The following DNAAF5 variants were observed in gnomAD, a reference collection of about 807,000 sequenced individuals.
DNAAF5 encodes HEAT repeat containing 2.
Under a neutral mutation model 75.8 loss-of-function variants are expected in DNAAF5, and 64 were observed. The observed-to-expected ratio is 0.84, with a 90% CI of 0.69 to 1.04. The LOEUF (loss-of-function observed/expected upper bound fraction) is 1.04. Among genes scored for constraint, DNAAF5 ranks in the 50% least tolerant of loss-of-function variants. The probability of loss-of-function intolerance (pLI) is 0.00; values close to 1 mark genes in which losing one functional copy is unlikely to be tolerated. For synonymous variants in DNAAF5, 657 were observed against 557.2 expected, an observed-to-expected ratio of 1.18 and a Z score of -2.52; for missense variants, 1,269 against 1,178.5, an observed-to-expected ratio of 1.08 and a Z score of -1.12.
intron 11 of DNAAF5, among the ~76,000 whole-genome samples, chr7:777,156 A>G (rs1778789050): frequency 6.6e-6 from 1 of 152,186 alleles, no homozygotes; most frequent in Non-Finnish European, 1.5e-5. Flanking sequence ...GTTACAATGT[A>G]GTCATAGAAA....
chr7:767,896 C>T (rs561822338), intron 8 of DNAAF5, among the ~76,000 whole-genome samples: 1 of 142,870 alleles, frequency 7.0e-6, no homozygotes, highest in African/African-American at 2.6e-5. Flanking sequence ...GTGGAAGTGT[C>T]CCTGCTGCAA....
At chr7:783,316 G>A (rs1327757430) in intron 12 of DNAAF5, among the ~76,000 whole-genome samples, 1 of 152,158 alleles carries the variant, frequency 6.6e-6, no homozygotes, top group Non-Finnish European at 1.5e-5. Context: ...GAGGGTGAGT[G>A]TGGCAGGTGA....
chr7:756,622 C>G lies in DNAAF5; in HGVS notation c.1258-160C>G, dbSNP rs73032450. 2.0e-5 allele frequency among the ~76,000 whole-genome samples: 3 copies of G among 152,212 alleles called. No homozygotes were observed. The South Asian group carries it at 6.2e-4, about 32-fold the overall frequency. On this transcript the variant is annotated intron_variant, in intron 5 of 12. Transcript: ENST00000297440. ...TGAGACCACACCCGGACCCTTGTAC[C>G]TTTCCTGAGGGCTCTGAGCATGTGC...
At chr7:727,940 C>T (rs1453608698) in intron 1 of DNAAF5, among the ~76,000 whole-genome samples, 1 of 151,754 alleles carries the variant, frequency 6.6e-6, no homozygotes, top group Non-Finnish European at 1.5e-5. Context: ...GCCCCCTTTC[C>T]TTCCCTCGGG....
At chr7:764,824 A>C (rs1782771415) in intron 8 of DNAAF5, among the ~76,000 whole-genome samples, 1 of 152,188 alleles carries the variant, frequency 6.6e-6, no homozygotes, top group Non-Finnish European at 1.5e-5. Context: ...TAATCCCAGC[A>C]CTTTGGGAGG....
Position 767,107 on chromosome 7 carries a change from C to T in DNAAF5, c.1783+3133C>T, listed in dbSNP as rs568254739. On this transcript the variant is annotated intron_variant, in intron 8 of 12. Transcript: ENST00000297440. ...ACAAAAAATTAGCTGGGTGCGGTGG[C>T]GGGCGCTTGTGGTCCCAGCTACTCG... Among the ~76,000 whole-genome samples the T allele has an allele frequency of 3.6e-4, 54 of 152,032 alleles. 1 individual carries two copies. In the South Asian group the frequency reaches 0.01, roughly 29 times the overall value.
At chr7:732,323 G>C (rs530510626) in intron 2 of DNAAF5, among the ~76,000 whole-genome samples, 7 of 152,264 alleles carry the variant, frequency 4.6e-5, no homozygotes. Flanking sequence ...CAGGCAGGAC[G>C]GACGTATGGC....
rs6945893 is a variant in DNAAF5, at chr7:773,538, C to T, written c.1932-510C>T. Among the ~76,000 whole-genome samples, 765 of 148,280 alleles carry T rather than the reference C, an allele frequency of 5.2e-3. 5 individuals are homozygous for T. Among genetic ancestry groups the T allele is most frequent in the African/African-American group, 0.019 (711 of 37,856 alleles). On this transcript the variant is annotated intron_variant, in intron 9 of 12. Coordinates refer to ENST00000297440, the MANE Select transcript of DNAAF5 (RefSeq NM_017802.4). Reference sequence around the variant, plus strand: ...CTCTGAGCTGTGGCCCTTGGGTCCCCGGACCGCGCCTGTGGCCCTCCCATC... The same window carrying T: ...CTCTGAGCTGTGGCCCTTGGGTCCCTGGACCGCGCCTGTGGCCCTCCCATC...
In DNAAF5 at chr7:754,817, A is replaced by T. The variant is rs753199603; in HGVS notation, c.1253A>T (p.Gln418Leu). 98 of 1,602,104 alleles carry T rather than the reference A, an allele frequency of 6.1e-5. No homozygotes were observed. Among genetic ancestry groups the T allele is most frequent in the Non-Finnish European group, 8.3e-5 (97 of 1,172,028 alleles). The change falls in exon 5 of 13, where the codon CAA (glutamine) becomes CTA (leucine). Residue 418 changes from glutamine (Q) to leucine (L), a missense_variant. Coordinates refer to ENST00000297440, the MANE Select transcript of DNAAF5 (RefSeq NM_017802.4). This position sits in a 1 kb window ranked among gnomAD's most constrained non-coding sequence, Gnocchi z 4.8. ...ACCGACGAGGAGGCAGCCGTGGTCC[A>T]AAGTGTAAGTGGCCGTATTCCAGTC... ...ACTDEEAAVVQSCTRSAELVG... is the reference protein window; with the variant it reads ...ACTDEEAAVVLSCTRSAELVG...
intron 6 of DNAAF5, among the ~76,000 whole-genome samples, chr7:759,023 G>C (rs754126757): frequency 6.6e-6 from 1 of 152,078 alleles, no homozygotes; most frequent in Non-Finnish European, 1.5e-5. Flanking sequence ...TGGCAAGAAA[G>C]GGTGAAGGTA....
At chr7:756,419 G>T (rs993611134) in intron 5 of DNAAF5, among the ~76,000 whole-genome samples, 2 of 152,102 alleles carry the variant, frequency 1.3e-5, no homozygotes, top group Non-Finnish European at 2.9e-5. Flanking sequence ...GTGATCCACT[G>T]TGGGCTTCCA....
At chr7:776,208 C>T (rs895050752) in intron 11 of DNAAF5, among the ~76,000 whole-genome samples, 25 of 152,116 alleles carry the variant, frequency 1.6e-4, no homozygotes, top group African/African-American at 4.1e-4. Flanking sequence ...TGGTGGTGCG[C>T]GCCTGTAGTT....
At chr7:766,503 T>C (rs182056404) in intron 8 of DNAAF5, among the ~76,000 whole-genome samples, 97 of 152,360 alleles carry the variant, frequency 6.4e-4, no homozygotes, top group African/African-American at 2.2e-3. Context: ...TACAAAGACA[T>C]TGATTTGACT....
chr7:747,214 C>T (rs1250665174), intron 4 of DNAAF5, among the ~76,000 whole-genome samples: 5 of 152,238 alleles, frequency 3.3e-5, no homozygotes, highest in Non-Finnish European at 5.9e-5. Context: ...CCACACCCTT[C>T]GCGCCATGTC....
Position 774,183 on chromosome 7 carries a change from C to G in DNAAF5, c.2067C>G (p.Val689=). ...SCLWALTSSE[V]LSAEQIRDVQ... ...TCTGGGCGCTCACCAGCAGCGAGGTCCTGTCGGCAGAGCAGGTACGGGGCT... is the reference window on the plus strand; with the variant it reads ...TCTGGGCGCTCACCAGCAGCGAGGTGCTGTCGGCAGAGCAGGTACGGGGCT... Residue 689 remains valine, a synonymous_variant, in exon 10 of 13, where the codon GTC becomes GTG. Coordinates refer to ENST00000297440, the MANE Select transcript of DNAAF5 (RefSeq NM_017802.4). 1 of 1,608,986 alleles carries G rather than the reference C, an allele frequency of 6.2e-7. No homozygotes were observed. The highest frequency in any genetic ancestry group is 8.5e-7 in the Non-Finnish European group (1 of 1,179,410).
At chr7:756,729 C>G in intron 5 of DNAAF5, 53 bp from the exon 6 acceptor site, 2 of 1,571,072 alleles carry the variant, frequency 1.3e-6, no homozygotes, top group Admixed American at 3.4e-5. Flanking sequence ...AGCAGGAGCC[C>G]GGCTGAGACC....
intron 6 of DNAAF5, among the ~76,000 whole-genome samples, chr7:759,339 G>A (rs556189125): frequency 3.3e-5 from 5 of 152,264 alleles, no homozygotes; most frequent in Admixed American, 1.3e-4. Context: ...CAGGTGTCTC[G>A]GGCCCAGTAG....
chr7:784,017 C>T (rs1423306661), intron 12 of DNAAF5, among the ~76,000 whole-genome samples: 1 of 44,766 alleles, frequency 2.2e-5, no homozygotes, highest in Non-Finnish European at 4.8e-5. Context: ...CCCTGTACGC[C>T]GCCCCCACCT....
At position 726,856 on chromosome 7, in the gene DNAAF5, C is replaced by T; in HGVS notation, c.136C>T (p.Arg46Trp). Residue 46 changes from arginine (R) to tryptophan (W), a missense_variant, in exon 1 of 13, where the codon CGG becomes TGG. By Grantham distance (101) the Arg-to-Trp change is moderately radical. Coordinates refer to ENST00000297440, the MANE Select transcript of DNAAF5 (RefSeq NM_017802.4). ...PGLEADSKPG[R>W]RRALEALRRA... ...GCTGGAGGCCGACAGCAAGCCGGGC[C>T]GGCGGCGCGCCTTGGAGGCCCTGCG... The T allele has an allele frequency of 3.0e-6, 4 of 1,317,942 alleles. No individual in the cohort carries two copies. Among genetic ancestry groups the T allele is most frequent in the Non-Finnish European group, 3.9e-6 (4 of 1,036,702 alleles). 81.6% of individuals were successfully genotyped at this position (1,317,942 alleles called of 1,614,324 possible). A position where few individuals can be genotyped will look rare whatever the true frequency, so the allele number is the denominator to read the frequency against.
Sources: gnomAD v4.1 joint callset for allele counts (sites outside exome capture counted in the v4.1 genomes callset) on GRCh38, gnomAD v4.1.1 for gene constraint, Gnocchi (gnomAD v3.1) non-coding constraint, MANE v1.5 for transcripts, NCBI Gene and HGNC (gene_info 2026-07-23, HGNC 2026-07-21) for gene names.